The following FBLN1 variants were observed in gnomAD, a reference collection of about 807,000 sequenced individuals.
The protein encoded by FBLN1 is fibulin 1, also known as fibulin-1.
Under a neutral mutation model 89.7 loss-of-function variants are expected in FBLN1, and 34 were observed. The observed-to-expected ratio is 0.38, with a 90% CI of 0.29 to 0.50. FBLN1 has a LOEUF of 0.50. FBLN1 is among the 20% of genes least tolerant of loss of function. The pLI, the probability that FBLN1 is intolerant of heterozygous loss-of-function variation, is 0.92. For missense variants in FBLN1, 777 were observed against 988.1 expected, an observed-to-expected ratio of 0.79 and a Z score of 2.86; for synonymous variants, 393 against 391.3, an observed-to-expected ratio of 1.00 and a Z score of -0.05.
chr22:45,565,288 A>G, intron 14 of FBLN1: 1 of 1,308,270 alleles, frequency 7.6e-7, no homozygotes, highest in Non-Finnish European at 1.0e-6. Flanking sequence ...TTGGAATGGC[A>G]TGGGAGGCCT....
intron 2 of FBLN1, among the ~76,000 whole-genome samples, chr22:45,524,679 A>G (rs1018480005): frequency 3.3e-5 from 5 of 152,224 alleles, no homozygotes; most frequent in African/African-American, 1.2e-4. Flanking sequence ...ATCAGCAGGA[A>G]CATTGTGCGG....
intron 8 of FBLN1, chr22:45,535,559 G>A (rs1241677069): frequency 3.6e-6 from 2 of 550,548 alleles, no homozygotes; most frequent in African/African-American, 1.9e-5. Context: ...AGTCTAAAGC[G>A]GCCAAGGGCC....
In FBLN1 at chr22:45,580,535, C is replaced by A. The variant is rs561472364; in HGVS notation, c.1972+3427C>A. Among the ~76,000 whole-genome samples, 1 of 152,180 alleles carries A rather than the reference C, an allele frequency of 6.6e-6. No homozygotes were observed. The highest frequency in any genetic ancestry group is 1.9e-4 in the East Asian group (1 of 5,180). ...TCATCATCGCCAGGACCCTGTGACA[C>A]GGTGGGATTATCTCCTCTAACAAAG... is the stretch of plus-strand genomic sequence containing the variant. On this transcript the variant is annotated intron_variant, in intron 16 of 16. Coordinates refer to ENST00000327858, the MANE Select transcript of FBLN1 (RefSeq NM_006486.3). The surrounding 1 kb of genome is among the most constrained non-coding windows in gnomAD (Gnocchi z 8.6).
chr22:45,559,993 T>C (rs2088832695), intron 14 of FBLN1, among the ~76,000 whole-genome samples: 1 of 152,222 alleles, frequency 6.6e-6, no homozygotes, highest in Non-Finnish European at 1.5e-5. Context: ...CAAATTAGTC[T>C]TTTGTCCACT....
chr22:45,535,065 T>C (rs2088466090), intron 7 of FBLN1, 135 bp from the exon 8 acceptor site: 4 of 1,052,112 alleles, frequency 3.8e-6, no homozygotes, highest in Non-Finnish European at 4.3e-6. Flanking sequence ...TTGTGTATGA[T>C]TTCTCTATTA....
At chr22:45,591,489 C>A (rs1271669065) in intron 16 of FBLN1, among the ~76,000 whole-genome samples, 2 of 152,176 alleles carry the variant, frequency 1.3e-5, no homozygotes, top group Non-Finnish European at 2.9e-5. Flanking sequence ...TCTGATTTAG[C>A]TCACGGGAGA....
intron 1 of FBLN1, among the ~76,000 whole-genome samples, chr22:45,515,059 G>A (rs575777023): frequency 1.3e-5 from 2 of 152,314 alleles, no homozygotes; most frequent in Non-Finnish European, 2.9e-5. Flanking sequence ...TCCATTTGGA[G>A]CCCAGGCAGG....
At chr22:45,587,516 G>A (rs183610022) in intron 16 of FBLN1, among the ~76,000 whole-genome samples, 8 of 152,334 alleles carry the variant, frequency 5.3e-5, no homozygotes, top group African/African-American at 1.9e-4. Context: ...TGTGTACGAG[G>A]TAGGGAATCT....
At chr22:45,589,081 AT>A (rs527351723) in intron 16 of FBLN1, among the ~76,000 whole-genome samples, 13 of 145,518 alleles carry the variant, frequency 8.9e-5, no homozygotes, top group African/African-American at 2.0e-4. Context: ...ATATAAAAAT[AT>A]TTTTTATATA....
At chr22:45,582,172 C>T (rs1274586938) in intron 16 of FBLN1, among the ~76,000 whole-genome samples, 2 of 152,244 alleles carry the variant, frequency 1.3e-5, no homozygotes, top group Non-Finnish European at 2.9e-5. Context: ...AGATCCGGGA[C>T]TCCCCATCCC....
rs2088423762 is a variant in FBLN1 at position 45,532,648 on chromosome 22, G to A, written c.545-415G>A. On this transcript the variant is annotated intron_variant, in intron 5 of 16. Transcript: ENST00000327858. This position sits in a 1 kb window ranked among gnomAD's most constrained non-coding sequence, Gnocchi z 4.2. The stretch of plus-strand genomic sequence containing the variant: ...GGCAGCTGCAGGAACTGAGGCCATG[G>A]TAGTGGGCTTGGAGCAGTGGGACAG... Among the ~76,000 whole-genome samples, 1 of 152,172 alleles carries A rather than the reference G, an allele frequency of 6.6e-6. No homozygotes were observed. Among genetic ancestry groups the A allele is most frequent in the Non-Finnish European group, 1.5e-5 (1 of 68,026 alleles).
chr22:45,519,892 G>A (rs544637824), intron 2 of FBLN1, among the ~76,000 whole-genome samples: 3 of 152,122 alleles, frequency 2.0e-5, no homozygotes, highest in Middle Eastern at 3.4e-3. Flanking sequence ...GAGATCACCC[G>A]GGCGCGGTGG....
At position 45,565,295 on chromosome 22, in the gene FBLN1, G is replaced by A. The variant is rs1388355539; in HGVS notation, c.1698-9216G>A. 3.9e-6 allele frequency: 5 copies of A among 1,296,268 alleles called. No homozygotes were observed. The Admixed American group carries it at 9.3e-5, about 24-fold the overall frequency. The allele number at this position is 1,296,268 out of a possible 1,614,324, so 80.3% of individuals were successfully genotyped here. A position where few individuals can be genotyped will look rare whatever the true frequency, so the allele number is the denominator to read the frequency against. ...TAGCCTCCTTGGAATGGCATGGGAG[G>A]CCTGGCCTGATCTGGCCTCTGCCCA... On this transcript the variant is annotated intron_variant, in intron 14 of 16. Coordinates refer to ENST00000327858, the MANE Select transcript of FBLN1 (RefSeq NM_006486.3).
rs1569247969 is a variant in FBLN1 at position 45,543,532 on chromosome 22, G to C, written c.1321+6G>C. The C allele has an allele frequency of 6.2e-7, 1 of 1,612,518 alleles. No individual in the cohort carries two copies. Among genetic ancestry groups the C allele is most frequent in the East Asian group, 2.2e-5 (1 of 44,878 alleles). ...GGATGGCAGGTCATGTGAAGGTGAG[G>C]CTGGGGCCCCGTCCACTCACCTCCC... On this transcript the variant is annotated splice_donor_region_variant and intron_variant, in intron 11 of 16. Transcript: ENST00000327858.
At position 45,600,832 on chromosome 22, in the gene FBLN1, CTTTTT is replaced by C. The variant is rs879213611; in HGVS notation, c.*397_*401del. 2 of 254,682 alleles carry C rather than the reference CTTTTT, an allele frequency of 7.9e-6. No homozygotes were observed. The highest frequency in any genetic ancestry group is 2.5e-5 in the African/African-American group (1 of 40,414). The allele number at this position is 254,682 out of a possible 1,614,324, so 15.8% of individuals were successfully genotyped here. A position where few individuals can be genotyped will look rare whatever the true frequency, so the allele number is the denominator to read the frequency against. On this transcript the variant is annotated 3_prime_UTR_variant, in exon 17 of 17. Coordinates refer to ENST00000327858, the MANE Select transcript of FBLN1 (RefSeq NM_006486.3). ...TTGTATGAAATTTGACATTTTGGCACTTTTTTTTTTTTTTTGGCCAATCAGATTTT... is the reference window on the plus strand; with the variant it reads ...TTGTATGAAATTTGACATTTTGGCACTTTTTTTTTTGGCCAATCAGATTTT...
In FBLN1 at chr22:45,600,703, C is replaced by G; in HGVS notation, c.*257C>G. The stretch of plus-strand genomic sequence containing the variant: ...TAATGCGAAGGCTAAGTGTCACCCC[C>G]TTTCTCTGCCTCTGGCTGGGCCTTG... On this transcript the variant is annotated 3_prime_UTR_variant, in exon 17 of 17. Transcript: ENST00000327858. 1.9e-6 allele frequency: 1 copy of G among 526,300 alleles called. No homozygotes were observed. The highest frequency in any genetic ancestry group is 3.5e-6 in the Non-Finnish European group (1 of 289,762). 32.6% of individuals were successfully genotyped at this position (526,300 alleles called of 1,614,324 possible).
Position 45,525,527 on chromosome 22 carries a change from CA to C in FBLN1, c.186-15del. The C allele has an allele frequency of 1.9e-6, 3 of 1,548,826 alleles. No homozygotes were observed. Among genetic ancestry groups the C allele is most frequent in the Non-Finnish European group, 2.6e-6 (3 of 1,146,746 alleles). On this transcript the variant is annotated splice_polypyrimidine_tract_variant and intron_variant, in intron 2 of 16. Coordinates refer to ENST00000327858, the MANE Select transcript of FBLN1 (RefSeq NM_006486.3). ...CTGCGCACAGAGCCTTGGCCCAGCC[CA>C]CCCCTCACCCACAGGATGGTGCAGG...
Position 45,563,200 on chromosome 22 carries a change from C to G in FBLN1, c.1698-11311C>G, listed in dbSNP as rs771387381. 2 of 1,613,814 alleles carry G rather than the reference C, an allele frequency of 1.2e-6. No individual in the cohort carries two copies. Among genetic ancestry groups the G allele is most frequent in the Non-Finnish European group, 1.7e-6 (2 of 1,180,032 alleles). On this transcript the variant is annotated intron_variant, in intron 14 of 16. Transcript: ENST00000327858. The surrounding 1 kb of genome is among the most constrained non-coding windows in gnomAD (Gnocchi z 5.7). ...TGCTCCTGACCGTCAAGATGGATCT[C>G]TCTCGCCACGGCACCGTCAGCTCCT...
Position 45,532,941 on chromosome 22 carries a change from C to T in FBLN1, c.545-122C>T. The T allele has an allele frequency of 1.2e-6, 1 of 858,650 alleles. No individual in the cohort carries two copies. Among genetic ancestry groups the T allele is most frequent in the South Asian group, 1.5e-5 (1 of 68,572 alleles). The allele number at this position is 858,650 out of a possible 1,614,324, so 53.2% of individuals were successfully genotyped here. On this transcript the variant is annotated intron_variant, in intron 5 of 16. Transcript: ENST00000327858. This position sits in a 1 kb window ranked among gnomAD's most constrained non-coding sequence, Gnocchi z 4.2. ...GGCAGCAGGTGGGCTCCAGCCAGGT[C>T]AGCCTGCCTTCCTGGGTTCGTCTGC...
Sources: gnomAD v4.1 joint callset for allele counts (sites outside exome capture counted in the v4.1 genomes callset) on GRCh38, gnomAD v4.1.1 for gene constraint, Gnocchi (gnomAD v3.1) non-coding constraint, MANE v1.5 for transcripts, NCBI Gene and HGNC (gene_info 2026-07-23, HGNC 2026-07-21) for gene names.